CASK: variants seen among roughly 807,000 people sequenced by gnomAD.
CASK encodes calcium/calmodulin dependent serine protein kinase, also known as peripheral plasma membrane protein CASK.
In CASK, 4 loss-of-function variants were observed where a neutral mutation model predicts 82.9. The observed-to-expected ratio is 0.05, with a 90% CI of 0.02 to 0.11. The LOEUF is 0.11. Ranked by LOEUF, CASK falls within the 10% of genes least tolerant of loss-of-function variation. The pLI is 1.00. For missense variants in CASK, 358 were observed against 720.9 expected, an observed-to-expected ratio of 0.50 and a Z score of 5.76; for synonymous variants, 259 against 253.5, an observed-to-expected ratio of 1.02 and a Z score of -0.20.
rs565585507 is a variant in CASK at position 41,615,909 on chromosome X, G to A, written c.1034-5884C>T. ...CCCAAAGTGCCGGGACTACAGGCCT[G>A]AGCCACTGTGCTCGGCCTTTTACCA... On this transcript the variant is annotated intron_variant, in intron 11 of 26. Transcript: ENST00000378163. Among the ~76,000 whole-genome samples, 14 of 112,293 alleles carry A rather than the reference G, an allele frequency of 1.2e-4. No individual in the cohort carries two copies. The South Asian group carries it at 3.7e-3, about 30-fold the overall frequency.
intron 2 of CASK, among the ~76,000 whole-genome samples, chrX:41,793,201 C>A (rs1268587489): frequency 9.0e-6 from 1 of 111,367 alleles, no homozygotes; most frequent in Non-Finnish European, 1.9e-5. Flanking sequence ...ACTGTAATAA[C>A]CCTGCATGAC....
At chrX:41,754,250 A>C (rs938648006) in intron 3 of CASK, among the ~76,000 whole-genome samples, 1 of 109,681 alleles carries the variant, frequency 9.1e-6, no homozygotes, top group Non-Finnish European at 1.9e-5. Flanking sequence ...AATAATAATA[A>C]AAATATTAGC....
At chrX:41,758,711 T>C (rs2068941950) in intron 3 of CASK, among the ~76,000 whole-genome samples, 1 of 111,900 alleles carries the variant, frequency 8.9e-6, no homozygotes, top group Non-Finnish European at 1.9e-5. Context: ...ATACTGTAAA[T>C]AGGATATAAT....
At chrX:41,559,481 T>C (rs981105998) in intron 18 of CASK, 2 of 295,665 alleles carry the variant, frequency 6.8e-6, no homozygotes, top group Middle Eastern at 1.0e-3. Context: ...TTAGTTTTTT[T>C]CCCTCAGACA....
intron 2 of CASK, among the ~76,000 whole-genome samples, chrX:41,823,037 G>A (rs747520698): frequency 2.6e-5 from 2 of 77,055 alleles, no homozygotes; most frequent in African/African-American, 1.0e-4. Flanking sequence ...CCTCAGCGGG[G>A]GTGGGGGGAG....
At chrX:41,594,960 C>T (rs1396923317) in intron 12 of CASK, among the ~76,000 whole-genome samples, 1 of 111,627 alleles carries the variant, frequency 9.0e-6, no homozygotes, top group Admixed American at 9.5e-5. Context: ...TTTTTCTTTC[C>T]CACGACCAGA....
chrX:41,804,361 C>T lies in CASK; in HGVS notation c.173-17078G>A, dbSNP rs73472538. Among the ~76,000 whole-genome samples the T allele has an allele frequency of 7.0e-3, 773 of 111,219 alleles. 4 individuals carry two copies. Among genetic ancestry groups the T allele is most frequent in the African/African-American group, 0.024 (749 of 30,613 alleles). The stretch of plus-strand genomic sequence containing the variant: ...AGATTCCATCTTAAAAACAAACAAC[C>T]AACCAACCCTCAATAGGTCACATTC... On this transcript the variant is annotated intron_variant, in intron 2 of 26. Transcript: ENST00000378163.
chrX:41,626,583 A>G (rs886964990), intron 10 of CASK, 21 bp downstream of exon 10: 14 of 991,449 alleles, frequency 1.4e-5, no homozygotes, highest in Non-Finnish European at 1.9e-5. Context: ...ACACAGGTGA[A>G]TAAGTGAATT....
At chrX:41,796,579 G>GA (rs1363575889) in intron 2 of CASK, among the ~76,000 whole-genome samples, 1 of 111,794 alleles carries the variant, frequency 8.9e-6, no homozygotes, top group Admixed American at 9.5e-5. Flanking sequence ...GGTTATTTGG[G>GA]AAAAAAACTA....
chrX:41,871,330 A>T (rs2071704772), intron 1 of CASK, among the ~76,000 whole-genome samples: 1 of 112,189 alleles, frequency 8.9e-6, no homozygotes, highest in South Asian at 3.7e-4. Flanking sequence ...ACAGAAGGTA[A>T]CCTTAAAAAG....
At chrX:41,821,482 G>C (rs2147904709) in intron 2 of CASK, among the ~76,000 whole-genome samples, 1 of 111,928 alleles carries the variant, frequency 8.9e-6, no homozygotes, top group South Asian at 3.8e-4. Context: ...ACATAAAATA[G>C]TGCAACCACT....
At chrX:41,546,115 G>A (rs2065019886) in intron 21 of CASK, among the ~76,000 whole-genome samples, 1 of 110,722 alleles carries the variant, frequency 9.0e-6, no homozygotes, top group Non-Finnish European at 1.9e-5. Context: ...CTGGGATTAC[G>A]GGTGCCTGCC....
intron 6 of CASK, 23 bp downstream of exon 6, chrX:41,671,405 T>G: frequency 1.0e-6 from 1 of 992,973 alleles, no homozygotes; most frequent in African/African-American, 1.9e-5. Flanking sequence ...TTGAAGAATT[T>G]TTTTTTTTTA....
At chrX:41,822,323 C>T (rs1007395900) in intron 2 of CASK, among the ~76,000 whole-genome samples, 3 of 109,973 alleles carry the variant, frequency 2.7e-5, no homozygotes, top group Non-Finnish European at 3.8e-5. Context: ...TTTGGGAGGC[C>T]GAGGCGGGCG....
chrX:41,780,872 C>T (rs1424105790), intron 3 of CASK, among the ~76,000 whole-genome samples: 1 of 110,385 alleles, frequency 9.1e-6, no homozygotes, highest in Non-Finnish European at 1.9e-5. Context: ...TGGTCTCAAA[C>T]TCCTGACCTC....
intron 1 of CASK, among the ~76,000 whole-genome samples, chrX:41,861,843 T>G (rs934114455): frequency 7.8e-5 from 8 of 102,383 alleles, no homozygotes; most frequent in Non-Finnish European, 1.4e-4. Context: ...ACATACAATA[T>G]ATACATATAA....
At chrX:41,895,774 T>G (rs1469614364) in intron 1 of CASK, among the ~76,000 whole-genome samples, 2 of 111,713 alleles carry the variant, frequency 1.8e-5, no homozygotes, top group African/African-American at 6.5e-5. Context: ...TTGAGGCAAG[T>G]AAGCCAGTTC....
chrX:41,831,748 C>T (rs367842399), intron 2 of CASK, among the ~76,000 whole-genome samples: 2 of 111,786 alleles, frequency 1.8e-5, no homozygotes, highest in Non-Finnish European at 3.8e-5. Context: ...CACCTGAGGT[C>T]AGGAGTTCAA....
chrX:41,887,040 T>G (rs2072061747), intron 1 of CASK, among the ~76,000 whole-genome samples: 1 of 110,676 alleles, frequency 9.0e-6, no homozygotes, highest in South Asian at 3.8e-4. Flanking sequence ...CCGTACAAAT[T>G]TATCTGTAAA....
Sources: gnomAD v4.1 joint callset for allele counts (sites outside exome capture counted in the v4.1 genomes callset) on GRCh38, gnomAD v4.1.1 for gene constraint, MANE v1.5 for transcripts, NCBI Gene and HGNC (gene_info 2026-07-23, HGNC 2026-07-21) for gene names.